TF: variants seen among roughly 807,000 people sequenced by gnomAD.
TF encodes serotransferrin.
TF carries 55 observed loss-of-function variants against 82.4 expected under a neutral mutation model. The observed-to-expected ratio is 0.67, with a 90% CI of 0.54 to 0.84. The LOEUF is 0.84. TF is among the 40% of genes least tolerant of loss of function. TF has a pLI of 0.00. For synonymous variants in TF, 332 were observed against 332.6 expected, an observed-to-expected ratio of 1.00 and a Z score of 0.02; for missense variants, 737 against 868.4, an observed-to-expected ratio of 0.85 and a Z score of 1.90.
intron 14 of TF, chr3:133,770,839 A>C (rs934766948): frequency 1.8e-6 from 1 of 549,722 alleles, no homozygotes. Flanking sequence ...TAAATACTTC[A>C]GTGCCTATTT....
the TF span, among the ~76,000 whole-genome samples, chr3:133,727,019 G>C: frequency 6.5e-4 from 99 of 152,274 alleles, no homozygotes; most frequent in African/African-American, 2.3e-3. Context: ...TGTGGTCTGA[G>C]AGACAGTTTG....
the TF span, among the ~76,000 whole-genome samples, chr3:133,675,900 G>T: frequency 6.6e-6 from 1 of 152,098 alleles, no homozygotes; most frequent in Non-Finnish European, 1.5e-5. Flanking sequence ...TCTTTAGCCC[G>T]TGACAGAATA....
the TF span, among the ~76,000 whole-genome samples, chr3:133,689,064 AC>A: frequency 6.6e-6 from 1 of 152,268 alleles, no homozygotes; most frequent in Non-Finnish European, 1.5e-5. Context: ...GGTGGCTCAC[AC>A]CTGTAATCGC....
chr3:133,741,593 G>A (rs904795645), upstream of TF, among the ~76,000 whole-genome samples: 3 of 152,082 alleles, frequency 2.0e-5, no homozygotes, highest in Admixed American at 6.6e-5. Context: ...ACTGAGAAAG[G>A]TTTGTCGAAT....
rs146979201 is a variant in TF at position 133,748,810 on chromosome 3, G to A, written c.216+226G>A. 7.3e-4 allele frequency: 416 copies of A among 570,580 alleles called. 4 individuals are homozygous for A. The highest frequency in any genetic ancestry group is 1.9e-3 in the Middle Eastern group (4 of 2,066). The allele number at this position is 570,580 out of a possible 1,614,324, so 35.3% of individuals were successfully genotyped here. A position where few individuals can be genotyped will look rare whatever the true frequency, so the allele number is the denominator to read the frequency against. ...CTTTTGCTTTCCAGACACAGTAGAC[G>A]CAAGGGTGACTGTTTTGAGACCCTA... On this transcript the variant is annotated intron_variant, in intron 2 of 16. Coordinates refer to ENST00000402696, the MANE Select transcript of TF (RefSeq NM_001063.4).
At chr3:133,733,942 A>G in the TF span, among the ~76,000 whole-genome samples, 1 of 152,204 alleles carries the variant, frequency 6.6e-6, no homozygotes. Flanking sequence ...GGCTCCTGAG[A>G]CACTGGGGTG....
chr3:133,736,162 A>G, the TF span, among the ~76,000 whole-genome samples: 3 of 152,266 alleles, frequency 2.0e-5, no homozygotes, highest in Non-Finnish European at 2.9e-5. Context: ...ACATTCTTAA[A>G]GAAAGGAATT....
At chr3:133,756,428 G>T in intron 6 of TF, 91 bp downstream of exon 6, 1 of 1,366,074 alleles carries the variant, frequency 7.3e-7, no homozygotes, top group South Asian at 1.2e-5. Flanking sequence ...AATTGGAAAT[G>T]AGCATACTGT....
At chr3:133,709,072 G>T in the TF span, among the ~76,000 whole-genome samples, 1 of 152,174 alleles carries the variant, frequency 6.6e-6, no homozygotes, top group African/African-American at 2.4e-5. Context: ...GTGACCAAGG[G>T]ATAGGAAGCC....
rs1934867661 is a variant in TF at position 133,792,568 on chromosome 3, T to G, written c.*13948T>G. The G allele has an allele frequency of 6.6e-6, 1 of 152,146 alleles. No homozygotes were observed. The highest frequency in any genetic ancestry group is 1.5e-5 in the Non-Finnish European group (1 of 68,022). The allele number at this position is 152,146 out of a possible 1,614,324, so 9.4% of individuals were successfully genotyped here. On this transcript the variant is annotated 3_prime_UTR_variant, in exon 17 of 17. Coordinates refer to ENST00000402696, the MANE Select transcript of TF (RefSeq NM_001063.4). ...CTAATATATAATTAAAATCCTTAAC[T>G]TACCAAAGTTTTCACCAAAAGTAAA...
chr3:133,753,465 T>C, intron 2 of TF, 130 bp from the exon 3 acceptor site: 1 of 754,912 alleles, frequency 1.3e-6, no homozygotes, highest in Non-Finnish European at 2.4e-6. Flanking sequence ...CCAGCAGGGC[T>C]GTGCGTGGTC....
the TF span, among the ~76,000 whole-genome samples, chr3:133,690,221 A>C: frequency 6.6e-6 from 1 of 152,210 alleles, no homozygotes; most frequent in Non-Finnish European, 1.5e-5. Flanking sequence ...CACATCAGCT[A>C]TAACAAAACC....
the TF span, among the ~76,000 whole-genome samples, chr3:133,718,765 G>C: frequency 1.3e-5 from 2 of 152,202 alleles, no homozygotes; most frequent in Admixed American, 1.3e-4. Context: ...GTCTAGAGTA[G>C]AGAAAGGAAA....
the TF span, chr3:133,702,052 C>A: frequency 6.5e-6 from 1 of 152,954 alleles, no homozygotes; most frequent in African/African-American, 2.4e-5. Context: ...TGGAGGAGAC[C>A]CCAGAGGACT....
At chr3:133,724,919 TC>T in the TF span, among the ~76,000 whole-genome samples, 1 of 152,188 alleles carries the variant, frequency 6.6e-6, no homozygotes, top group Non-Finnish European at 1.5e-5. Flanking sequence ...GGGAATCCTT[TC>T]CCCATTGCTT....
At chr3:133,747,423 A>G (rs547708560) in intron 1 of TF, 2 of 152,384 alleles carry the variant, frequency 1.3e-5, no homozygotes, top group South Asian at 4.1e-4. Flanking sequence ...TGGGGTGGCC[A>G]TCCCTGGTGG....
the TF span, among the ~76,000 whole-genome samples, chr3:133,738,130 C>T: frequency 2.0e-5 from 3 of 152,224 alleles, no homozygotes; most frequent in Middle Eastern, 3.2e-3. Context: ...AAGTTGGCTT[C>T]ATCCCTGGGA....
the TF span, among the ~76,000 whole-genome samples, chr3:133,724,924 A>G: frequency 6.6e-6 from 1 of 152,086 alleles, no homozygotes; most frequent in Non-Finnish European, 1.5e-5. Flanking sequence ...TCCTTTCCCC[A>G]TTGCTTGTTT....
rs1453950663 is a variant in TF at position 133,780,935 on chromosome 3, C to T, written c.*2315C>T. 1.3e-5 allele frequency: 2 copies of T among 152,160 alleles called. No homozygotes were observed. Among genetic ancestry groups the T allele is most frequent in the Admixed American group, 6.5e-5 (1 of 15,268 alleles). The allele number at this position is 152,160 out of a possible 1,614,324, so 9.4% of individuals were successfully genotyped here. On this transcript the variant is annotated 3_prime_UTR_variant, in exon 17 of 17. Coordinates refer to ENST00000402696, the MANE Select transcript of TF (RefSeq NM_001063.4). ...GGCTGAAGCATGAGAAGTGCTTGATCCTGGGAGGCAGAGGTTGCAGTGAGC... is the reference window on the plus strand; with the variant it reads ...GGCTGAAGCATGAGAAGTGCTTGATTCTGGGAGGCAGAGGTTGCAGTGAGC...
Sources: allele counts gnomAD v4.1 joint callset (sites outside exome capture counted in the v4.1 genomes callset), GRCh38; gene constraint gnomAD v4.1.1; transcripts MANE v1.5; gene names NCBI Gene and HGNC (gene_info 2026-07-23, HGNC 2026-07-21).